Variants in NAB1 observed in about 807,000 individuals in gnomAD.
The protein encoded by NAB1 is NGFI-A-binding protein 1.
NAB1 carries 25 observed loss-of-function variants against 49.9 expected under a neutral mutation model. The observed-to-expected ratio is 0.50, with a 90% CI of 0.37 to 0.70. NAB1 has a LOEUF of 0.70. Among genes scored for constraint, NAB1 ranks in the 30% least tolerant of loss-of-function variants. The pLI, the probability that NAB1 is intolerant of heterozygous loss-of-function variation, is 0.00. For synonymous variants in NAB1, 198 were observed against 215.6 expected (o/e 0.92, Z 0.71); for missense variants, 489 against 575.9 (o/e 0.85, Z 1.54).
In NAB1 at chr2:190,657,306, G is replaced by A. The variant is rs1392323167; in HGVS notation, c.-20+1153G>A. 3.9e-5 allele frequency among the ~76,000 whole-genome samples: 6 copies of A among 152,168 alleles called. No homozygotes were observed. Among genetic ancestry groups the A allele is most frequent in the Non-Finnish European group, 8.8e-5 (6 of 68,044 alleles). ...TAGGTGATTTAGAAGATGCAAGAAC[G>A]TTTTTATCCAGAGGACTGAGGTGGC... On this transcript the variant is annotated intron_variant, in intron 3 of 9. Coordinates refer to ENST00000337386, the MANE Select transcript of NAB1 (RefSeq NM_005966.4). The surrounding 1 kb of genome is among the most constrained non-coding windows in gnomAD (Gnocchi z 4.4).
chr2:190,688,209 T>G (rs887949398), intron 9 of NAB1, among the ~76,000 whole-genome samples: 3 of 152,180 alleles, frequency 2.0e-5, no homozygotes, highest in Non-Finnish European at 2.9e-5. Flanking sequence ...AGCTCCAAAT[T>G]TGCATTGTAA....
chr2:190,671,714 G>C (rs575329402), intron 5 of NAB1, among the ~76,000 whole-genome samples: 1 of 150,194 alleles, frequency 6.7e-6, no homozygotes, highest in African/African-American at 2.5e-5. Flanking sequence ...TGTTCCAGAG[G>C]CAACTGCCTT....
In NAB1 at chr2:190,670,515, G is replaced by A. The variant is rs1340234658; in HGVS notation, c.953+56G>A. On this transcript the variant is annotated intron_variant, in intron 5 of 9. Transcript: ENST00000337386. This position sits in a 1 kb window ranked among gnomAD's most constrained non-coding sequence, Gnocchi z 5.3. The stretch of plus-strand genomic sequence containing the variant: ...GCATTGCTTGAGAGAAGTAGAGTTC[G>A]AAACATCATCTATTGATAGAATATA... 57 of 1,548,878 alleles carry A rather than the reference G, an allele frequency of 3.7e-5. No homozygotes were observed. The highest frequency in any genetic ancestry group is 4.6e-5 in the Non-Finnish European group (52 of 1,128,764).
rs376386678 is a variant in NAB1 at position 190,659,450 on chromosome 2, A to G, written c.274A>G (p.Ser92Gly). ...FNQPLTSLPVSSIPIYKLPEG... is the reference protein window; with the variant it reads ...FNQPLTSLPVGSIPIYKLPEG... Reference sequence around the variant, plus strand: ...TCAGCCACTGACTTCCCTTCCTGTCAGTAGCATACCCATCTATAAATTACC... The same window carrying G: ...TCAGCCACTGACTTCCCTTCCTGTCGGTAGCATACCCATCTATAAATTACC... Residue 92 changes from serine (S) to glycine (G), a missense_variant, in exon 4 of 10, where the codon AGT becomes GGT. By Grantham distance (56) the Ser-to-Gly change is moderately conservative. Around this residue, in one of 4 missense-constraint regions of NAB1, gnomAD observed 204 missense variants for 220.9 expected, o/e 0.92. Transcript: ENST00000337386. The surrounding 1 kb of genome is among the most constrained non-coding windows in gnomAD (Gnocchi z 6.2). 6.2e-7 allele frequency: 1 copy of G among 1,614,230 alleles called. No homozygotes were observed. Among genetic ancestry groups the G allele is most frequent in the Non-Finnish European group, 8.5e-7 (1 of 1,180,044 alleles).
Position 190,659,603 on chromosome 2 carries a change from A to G in NAB1, c.427A>G (p.Lys143Glu). The G allele has an allele frequency of 6.2e-7, 1 of 1,614,188 alleles. No homozygotes were observed. The highest frequency in any genetic ancestry group is 8.5e-7 in the Non-Finnish European group (1 of 1,180,026). ...TTCVQSLGQG[K>E]SDVVGSLALQ... ...CTGTGTGCAGAGCTTGGGACAGGGG[A>G]AGTCAGATGTGGTTGGGAGCCTAGC... The change falls in exon 4 of 10, where the codon AAG (lysine) becomes GAG (glutamate). Residue 143 changes from lysine to glutamate, a missense_variant. Lys to Glu is a moderately conservative substitution (Grantham distance 56). Coordinates refer to ENST00000337386, the MANE Select transcript of NAB1 (RefSeq NM_005966.4). The surrounding 1 kb of genome is among the most constrained non-coding windows in gnomAD (Gnocchi z 6.2).
In NAB1 at chr2:190,666,450, T is replaced by A. The variant is rs1016328980; in HGVS notation, c.820-3876T>A. ...GGCCGGGCATGGTGGCTCACGCCTG[T>A]AATCCCAGCACTTTGGGAGGCCAAG... On this transcript the variant is annotated intron_variant, in intron 4 of 9. Transcript: ENST00000337386. The surrounding 1 kb of genome is among the most constrained non-coding windows in gnomAD (Gnocchi z 5.6). Among the ~76,000 whole-genome samples, 2 of 152,246 alleles carry A rather than the reference T, an allele frequency of 1.3e-5. No individual in the cohort carries two copies. Among genetic ancestry groups the A allele is most frequent in the Non-Finnish European group, 2.9e-5 (2 of 68,042 alleles).
rs1694144617 is a variant in NAB1 at position 190,660,084 on chromosome 2, T to G, written c.819+89T>G. On this transcript the variant is annotated intron_variant, in intron 4 of 9. Coordinates refer to ENST00000337386, the MANE Select transcript of NAB1 (RefSeq NM_005966.4). ...ATTTGGTAATAGTTTGCCACAAATG[T>G]GATACACTACCTGAAAGCAGTATTA... 8 of 1,153,848 alleles carry G rather than the reference T, an allele frequency of 6.9e-6. No individual in the cohort carries two copies. The South Asian group carries it at 1.2e-4, about 17-fold the overall frequency. 71.5% of individuals were successfully genotyped at this position (1,153,848 alleles called of 1,614,324 possible).
chr2:190,685,559 G>T lies in NAB1; in HGVS notation c.1179G>T (p.Arg393Ser), dbSNP rs770408300. ...GYERLQHAER[R>S]LSAGLYRQSS... ...AGAGACTGCAGCATGCCGAGAGGAG[G>T]TTGTCTGCAGGGCTTTACAGGCAGA... is the stretch of plus-strand genomic sequence containing the variant. The change falls in exon 8 of 10, where the codon AGG (arginine) becomes AGT (serine). Residue 393 changes from arginine (R) to serine (S), a missense_variant. By Grantham distance (110) the Arg-to-Ser change is moderately radical. Transcript: ENST00000337386. This position sits in a 1 kb window ranked among gnomAD's most constrained non-coding sequence, Gnocchi z 4.5. 6.2e-7 allele frequency: 1 copy of T among 1,614,124 alleles called. No homozygotes were observed. The highest frequency in any genetic ancestry group is 2.2e-5 in the East Asian group (1 of 44,878).
Position 190,666,248 on chromosome 2 carries a change from GT to G in NAB1, c.820-4077del, listed in dbSNP as rs1694510987. 6.6e-6 allele frequency among the ~76,000 whole-genome samples: 1 copy of G among 152,240 alleles called. No individual in the cohort carries two copies. The highest frequency in any genetic ancestry group is 1.5e-5 in the Non-Finnish European group (1 of 68,026). ...CCTCCCTATCACACAGTTGTTCACAGTGTTTTTGTGCCAACAGTACTTAAAG... is the reference window on the plus strand; with the variant it reads ...CCTCCCTATCACACAGTTGTTCACAGGTTTTTGTGCCAACAGTACTTAAAG... On this transcript the variant is annotated intron_variant, in intron 4 of 9. Coordinates refer to ENST00000337386, the MANE Select transcript of NAB1 (RefSeq NM_005966.4). The surrounding 1 kb of genome is among the most constrained non-coding windows in gnomAD (Gnocchi z 5.6).
At chr2:190,683,354 C>G (rs910100919) in intron 6 of NAB1, among the ~76,000 whole-genome samples, 1 of 127,016 alleles carries the variant, frequency 7.9e-6, no homozygotes, top group Non-Finnish European at 1.6e-5. Context: ...CCATATTGGA[C>G]AGGCTGGTCT....
At position 190,687,284 on chromosome 2, in the gene NAB1, C is replaced by T; in HGVS notation, c.1342C>T (p.Leu448Phe). 1 of 1,597,906 alleles carries T rather than the reference C, an allele frequency of 6.3e-7. No homozygotes were observed. Among genetic ancestry groups the T allele is most frequent in the East Asian group, 2.3e-5 (1 of 43,762 alleles). Residue 448 changes from leucine (L) to phenylalanine (F), a missense_variant, in exon 9 of 10, where the codon CTT becomes TTT. This residue lies in a region of NAB1 where 212 missense variants were observed against 199.3 expected (regional missense o/e 1.06). Transcript: ENST00000337386. The stretch of plus-strand genomic sequence containing the variant: ...TGTGGTGGATGGGGAGCTGAGCAGA[C>T]TTTACCCCAGTGAGGCAAAGTCCCA... ...HFVVDGELSR[L>F]YPSEAKSHSS...
Position 190,659,610 on chromosome 2 carries a change from A to T in NAB1, c.434A>T (p.Asp145Val). Residue 145 changes from aspartate (D) to valine (V), a missense_variant, in exon 4 of 10, where the codon GAT (aspartate) becomes GTT (valine). By Grantham distance (152) the Asp-to-Val change is radical (BLOSUM62 -3). Transcript: ENST00000337386. The surrounding 1 kb of genome is among the most constrained non-coding windows in gnomAD (Gnocchi z 6.2). ...CAGAGCTTGGGACAGGGGAAGTCAG[A>T]TGTGGTTGGGAGCCTAGCACTGCAG... ...CVQSLGQGKS[D>V]VVGSLALQSV... The T allele has an allele frequency of 6.2e-7, 1 of 1,614,198 alleles. No individual in the cohort carries two copies. Among genetic ancestry groups the T allele is most frequent in the South Asian group, 1.1e-5 (1 of 91,088 alleles).
rs1021428606 is a variant in NAB1, at chr2:190,677,732, C to G, written c.1005+4580C>G. ...TTCCATTTTACAGCCAAGGAGAGAC[C>G]CAGACAGGCTCAGTATCTTCACCTG... On this transcript the variant is annotated intron_variant, in intron 6 of 9. Coordinates refer to ENST00000337386, the MANE Select transcript of NAB1 (RefSeq NM_005966.4). The surrounding 1 kb of genome is among the most constrained non-coding windows in gnomAD (Gnocchi z 5.6). Among the ~76,000 whole-genome samples the G allele has an allele frequency of 2.0e-5, 3 of 152,096 alleles. No homozygotes were observed. Among genetic ancestry groups the G allele is most frequent in the African/African-American group, 7.2e-5 (3 of 41,416 alleles).
In NAB1 at chr2:190,657,538, GC is replaced by G. The variant is rs1186823556; in HGVS notation, c.-20+1386del. ...GGTGATTTCCTGGGTTTTAGTAGAAGCTACTGGGCCCTAATTCAGCCTTTGT... is the reference window on the plus strand; with the variant it reads ...GGTGATTTCCTGGGTTTTAGTAGAAGTACTGGGCCCTAATTCAGCCTTTGT... On this transcript the variant is annotated intron_variant, in intron 3 of 9. Transcript: ENST00000337386. This position sits in a 1 kb window ranked among gnomAD's most constrained non-coding sequence, Gnocchi z 4.4. Among the ~76,000 whole-genome samples the G allele has an allele frequency of 6.6e-6, 1 of 152,178 alleles. No individual in the cohort carries two copies. Among genetic ancestry groups the G allele is most frequent in the African/African-American group, 2.4e-5 (1 of 41,450 alleles).
At chr2:190,664,446 T>G in intron 4 of NAB1, among the ~76,000 whole-genome samples, 1 of 151,658 alleles carries the variant, frequency 6.6e-6, no homozygotes, top group East Asian at 1.9e-4. Flanking sequence ...CAGGCTTAGG[T>G]GATTCTCCCA....
In NAB1 at chr2:190,666,564, C is replaced by G. The variant is rs1371818977; in HGVS notation, c.820-3762C>G. ...TGTACTAAAAATACAAAAAAATTGG[C>G]TGGGCATGGTGGCACATGCCTGTAG... On this transcript the variant is annotated intron_variant, in intron 4 of 9. Coordinates refer to ENST00000337386, the MANE Select transcript of NAB1 (RefSeq NM_005966.4). The surrounding 1 kb of genome is among the most constrained non-coding windows in gnomAD (Gnocchi z 5.6). Among the ~76,000 whole-genome samples, 1 of 152,094 alleles carries G rather than the reference C, an allele frequency of 6.6e-6. No homozygotes were observed. Among genetic ancestry groups the G allele is most frequent in the East Asian group, 1.9e-4 (1 of 5,174 alleles).
In NAB1 at chr2:190,669,292, G is replaced by A. The variant is rs1694683670; in HGVS notation, c.820-1034G>A. Among the ~76,000 whole-genome samples the A allele has an allele frequency of 6.6e-6, 1 of 152,246 alleles. No individual in the cohort carries two copies. The highest frequency in any genetic ancestry group is 1.9e-4 in the East Asian group (1 of 5,190). ...CAGACAGCAAAACTGTGGGTAAGGG[G>A]GTACTGCCGTACCTGATTTCTTATG... is the stretch of plus-strand genomic sequence containing the variant. On this transcript the variant is annotated intron_variant, in intron 4 of 9. Coordinates refer to ENST00000337386, the MANE Select transcript of NAB1 (RefSeq NM_005966.4). This position sits in a 1 kb window ranked among gnomAD's most constrained non-coding sequence, Gnocchi z 4.3.
At position 190,692,696 on chromosome 2, in the gene NAB1, C is replaced by T. The variant is rs1695984385; in HGVS notation, c.*2363C>T. ...GTGCGATGTCCACGTTTTTGTGACT[C>T]TTCAAGCTGTTGGTGAGGTGGGACG... On this transcript the variant is annotated 3_prime_UTR_variant, in exon 10 of 10. Coordinates refer to ENST00000337386, the MANE Select transcript of NAB1 (RefSeq NM_005966.4). The surrounding 1 kb of genome is among the most constrained non-coding windows in gnomAD (Gnocchi z 5.2). 1 of 152,634 alleles carries T rather than the reference C, an allele frequency of 6.6e-6. No homozygotes were observed. Among genetic ancestry groups the T allele is most frequent in the Non-Finnish European group, 1.5e-5 (1 of 68,046 alleles). The allele number at this position is 152,634 out of a possible 1,614,324, so 9.5% of individuals were successfully genotyped here.
In NAB1 at chr2:190,676,313, GAC is replaced by G. The variant is rs1185084417; in HGVS notation, c.1005+3165_1005+3166del. Among the ~76,000 whole-genome samples the G allele has an allele frequency of 2.0e-5, 3 of 152,180 alleles. No homozygotes were observed. Among genetic ancestry groups the G allele is most frequent in the Non-Finnish European group, 4.4e-5 (3 of 68,022 alleles). ...ATAAGTTTGTCTAGGGAATGTGATT[GAC>G]ACAAAGGACCTCATAAATAAAACTA... On this transcript the variant is annotated intron_variant, in intron 6 of 9. Coordinates refer to ENST00000337386, the MANE Select transcript of NAB1 (RefSeq NM_005966.4). The surrounding 1 kb of genome is among the most constrained non-coding windows in gnomAD (Gnocchi z 4.6).
Sources: allele counts gnomAD v4.1 joint callset (sites outside exome capture counted in the v4.1 genomes callset), GRCh38; gene constraint gnomAD v4.1.1; regional missense constraint gnomAD v4.1.1; non-coding constraint Gnocchi (gnomAD v3.1); transcripts MANE v1.5; gene names NCBI Gene and HGNC (gene_info 2026-07-23, HGNC 2026-07-21).